The following BTBD8 variants were observed in gnomAD, a reference collection of about 807,000 sequenced individuals.
The protein encoded by BTBD8 is BTB/POZ domain-containing protein 8.
A neutral mutation model predicts 162.9 loss-of-function variants in BTBD8; 110 were observed. The observed-to-expected ratio is 0.68, with a 90% CI of 0.58 to 0.79. The LOEUF (loss-of-function observed/expected upper bound fraction) is 0.79, where lower values mean the gene tolerates loss of function less well. Among genes scored for constraint, BTBD8 ranks in the 30% least tolerant of loss-of-function variants. BTBD8 has a pLI of 0.00. For synonymous variants in BTBD8, 667 were observed against 716.1 expected (o/e 0.93, Z 1.10); for missense variants, 1,905 against 2,085.4 (o/e 0.91, Z 1.68).
In BTBD8 at chr1:92,174,331, G is replaced by GC. The variant is rs568283739; in HGVS notation, c.1636-2495dup. On this transcript the variant is annotated intron_variant, in intron 13 of 17. Coordinates refer to ENST00000636805, the MANE Select transcript of BTBD8 (RefSeq NM_001376131.1). ...TCTGCTTCCTGAATAGCAGGCATAGGCCCAAGCTACCATGCCTGGCTAATG... is the reference window on the plus strand; with the variant it reads ...TCTGCTTCCTGAATAGCAGGCATAGGCCCCAAGCTACCATGCCTGGCTAATG... Among the ~76,000 whole-genome samples, 278 of 152,090 alleles carry GC rather than the reference G, an allele frequency of 1.8e-3. 1 individual carries two copies. Among genetic ancestry groups the GC allele is most frequent in the African/African-American group, 6.3e-3 (260 of 41,482 alleles).
At chr1:92,082,087 A>G (rs941840677) in intron 1 of BTBD8, among the ~76,000 whole-genome samples, 4 of 152,230 alleles carry the variant, frequency 2.6e-5, no homozygotes, top group African/African-American at 9.6e-5. Flanking sequence ...AACACATCTA[A>G]TTTATATGAA....
chr1:92,176,448 G>A lies in BTBD8; in HGVS notation c.1636-381G>A, dbSNP rs1196648761. Among the ~76,000 whole-genome samples the A allele has an allele frequency of 3.3e-5, 5 of 152,158 alleles. No homozygotes were observed. The East Asian group carries it at 9.6e-4, about 29-fold the overall frequency. ...ATTAAGTGGGATGATGTATACAAAA[G>A]ATGTAGTATAAAACATGGGAGTAAG... On this transcript the variant is annotated intron_variant, in intron 13 of 17. Transcript: ENST00000636805.
chr1:92,130,974 G>C (rs764019673), intron 5 of BTBD8, among the ~76,000 whole-genome samples: 2 of 152,210 alleles, frequency 1.3e-5, no homozygotes, highest in Non-Finnish European at 2.9e-5. Context: ...AAAGTGTTGG[G>C]ATTACAGGCG....
chr1:92,129,119 A>C (rs1057147930), intron 4 of BTBD8, among the ~76,000 whole-genome samples: 1 of 152,054 alleles, frequency 6.6e-6, no homozygotes, highest in Non-Finnish European at 1.5e-5. Flanking sequence ...TATTTAAAAA[A>C]TTAAATATCA....
At chr1:92,096,207 G>A (rs1368792624) in intron 2 of BTBD8, among the ~76,000 whole-genome samples, 1 of 152,136 alleles carries the variant, frequency 6.6e-6, no homozygotes, top group Non-Finnish European at 1.5e-5. Flanking sequence ...GACCTCAAGT[G>A]ATCCAGCTGC....
chr1:92,084,641 C>G (rs1272363062), intron 1 of BTBD8, among the ~76,000 whole-genome samples: 1 of 152,192 alleles, frequency 6.6e-6, no homozygotes, highest in Non-Finnish European at 1.5e-5. Context: ...AGGTGGATAT[C>G]TTGTCCAGCC....
At position 92,141,184 on chromosome 1, in the gene BTBD8, A is replaced by G. The variant is rs1295872543; in HGVS notation, c.903A>G (p.Arg301=). 1.9e-6 allele frequency: 3 copies of G among 1,585,468 alleles called. No homozygotes were observed. The highest frequency in any genetic ancestry group is 4.6e-5 in the East Asian group (2 of 43,820). The change falls in exon 7 of 18, where the codon AGA becomes AGG. Residue 301 remains arginine, a synonymous_variant. Transcript: ENST00000636805. ...GLKEVAIYIL[R]RDYCNFFQKP... is the part of the protein sequence containing the mutation. Reference sequence around the variant, plus strand: ...AAGAAGTAGCAATCTATATTTTAAGAAGAGATTACTGTAATTTCTTTCAGA... The same window carrying G: ...AAGAAGTAGCAATCTATATTTTAAGGAGAGATTACTGTAATTTCTTTCAGA...
chr1:92,155,010 G>GC (rs1420538697), intron 9 of BTBD8, among the ~76,000 whole-genome samples: 1 of 152,146 alleles, frequency 6.6e-6, no homozygotes, highest in African/African-American at 2.4e-5. Context: ...ACTGTTTGTT[G>GC]AAGAGACTTT....
intron 13 of BTBD8, among the ~76,000 whole-genome samples, chr1:92,174,552 A>T (rs1022731695): frequency 1.3e-5 from 2 of 152,168 alleles, no homozygotes; most frequent in African/African-American, 4.8e-5. Flanking sequence ...AATTAAGTAG[A>T]TTCAGTGTTA....
intron 5 of BTBD8, among the ~76,000 whole-genome samples, chr1:92,137,513 T>A (rs1382075176): frequency 6.6e-6 from 1 of 152,214 alleles, no homozygotes; most frequent in Non-Finnish European, 1.5e-5. Context: ...AACCTCAGGT[T>A]CTGACTTAGG....
chr1:92,088,687 A>T lies in BTBD8; in HGVS notation c.150-11A>T. ...ACTAATTAAACTATGATTCCTTTTTATTCCTTATAGGCTTCTAAGGGAAGA... is the reference window on the plus strand; with the variant it reads ...ACTAATTAAACTATGATTCCTTTTTTTTCCTTATAGGCTTCTAAGGGAAGA... On this transcript the variant is annotated splice_polypyrimidine_tract_variant and intron_variant, in intron 1 of 17. Transcript: ENST00000636805. The T allele has an allele frequency of 6.5e-7, 1 of 1,529,164 alleles. No homozygotes were observed. Among genetic ancestry groups the T allele is most frequent in the Non-Finnish European group, 8.8e-7 (1 of 1,138,620 alleles). 94.7% of individuals were successfully genotyped at this position (1,529,164 alleles called of 1,614,324 possible).
At chr1:92,150,859 T>G (rs1161155618) in intron 9 of BTBD8, 1 of 152,210 alleles carries the variant, frequency 6.6e-6, no homozygotes, top group Non-Finnish European at 1.5e-5. Context: ...CCAGGAATCC[T>G]TTTTTCCCTT....
intron 2 of BTBD8, among the ~76,000 whole-genome samples, chr1:92,093,372 A>G (rs888253941): frequency 2.0e-5 from 3 of 151,934 alleles, no homozygotes; most frequent in Non-Finnish European, 4.4e-5. Flanking sequence ...TTGTATTTTT[A>G]GTAGAGACAG....
chr1:92,182,195 C>T lies in BTBD8; in HGVS notation c.4512C>T (p.Gly1504=). 6.4e-7 allele frequency: 1 copy of T among 1,550,418 alleles called. No individual in the cohort carries two copies. Among genetic ancestry groups the T allele is most frequent in the Non-Finnish European group, 8.7e-7 (1 of 1,146,558 alleles). Residue 1504 remains glycine, a synonymous_variant, in exon 17 of 18, where the codon GGC becomes GGT. Transcript: ENST00000636805. Reference sequence around the variant, plus strand: ...TTTTAGAATGTAAACAAAATAAAGGCAATAGTGTATGTAAAAATGAAAGCA... The same window carrying T: ...TTTTAGAATGTAAACAAAATAAAGGTAATAGTGTATGTAAAAATGAAAGCA... ...DNILECKQNK[G]NSVCKNESTV...
At chr1:92,106,121 A>C (rs1648717853) in intron 3 of BTBD8, among the ~76,000 whole-genome samples, 1 of 152,206 alleles carries the variant, frequency 6.6e-6, no homozygotes. Context: ...GATTGACCAA[A>C]ACCTTGGGCA....
At chr1:92,143,606 G>A (rs1649827321) in intron 7 of BTBD8, among the ~76,000 whole-genome samples, 1 of 152,218 alleles carries the variant, frequency 6.6e-6, no homozygotes, top group Middle Eastern at 3.4e-3. Context: ...TGCCTCCCAG[G>A]TTCAAGCGAT....
At position 92,184,385 on chromosome 1, in the gene BTBD8, T is replaced by A; in HGVS notation, c.*55T>A. 9.4e-7 allele frequency: 1 copy of A among 1,063,572 alleles called. No individual in the cohort carries two copies. The highest frequency in any genetic ancestry group is 1.3e-6 in the Non-Finnish European group (1 of 744,648). 65.9% of individuals were successfully genotyped at this position (1,063,572 alleles called of 1,614,324 possible). ...CTCCTTTATTTTTTGATGCCTATAT[T>A]ATATCCAAATGATAATTGCATTAGC... On this transcript the variant is annotated 3_prime_UTR_variant, in exon 18 of 18. Coordinates refer to ENST00000636805, the MANE Select transcript of BTBD8 (RefSeq NM_001376131.1).
At chr1:92,118,445 A>T (rs1252502373) in intron 4 of BTBD8, among the ~76,000 whole-genome samples, 2 of 151,920 alleles carry the variant, frequency 1.3e-5, no homozygotes, top group Non-Finnish European at 2.9e-5. Flanking sequence ...CATTTTCATT[A>T]TATCATATTA....
Position 92,088,846 on chromosome 1 carries a change from C to T in BTBD8, c.298C>T (p.Pro100Ser). 2 of 1,612,644 alleles carry T rather than the reference C, an allele frequency of 1.2e-6. No individual in the cohort carries two copies. Among genetic ancestry groups the T allele is most frequent in the Non-Finnish European group, 1.7e-6 (2 of 1,179,280 alleles). ...QTSNSLTNQE[P>S]IAVENVEALE... ...ATCAAATAGTTTAACAAATCAGGAG[C>T]CTATTGCTGTGGAGAATGTTGAAGC... The change falls in exon 2 of 18, where the codon CCT becomes TCT. Residue 100 changes from proline to serine, a missense_variant. By Grantham distance (74) the Pro-to-Ser change is moderately conservative (BLOSUM62 -1). Coordinates refer to ENST00000636805, the MANE Select transcript of BTBD8 (RefSeq NM_001376131.1).
Sources: allele counts gnomAD v4.1 joint callset (sites outside exome capture counted in the v4.1 genomes callset), GRCh38; gene constraint gnomAD v4.1.1; transcripts MANE v1.5; gene names NCBI Gene and HGNC (gene_info 2026-07-23, HGNC 2026-07-21).